CLIC5: variants seen among roughly 807,000 people sequenced by gnomAD.
CLIC5 encodes the protein chloride intracellular channel protein 5.
In CLIC5, 20 loss-of-function variants were observed where a neutral mutation model predicts 24.7. The ratio of observed to expected loss-of-function variants is 0.81; its 90% CI spans 0.57 to 1.18. The LOEUF is 1.18. CLIC5 is among the 50% of genes most tolerant of loss of function. The pLI, the probability that CLIC5 is intolerant of heterozygous loss-of-function variation, is 0.00. For synonymous variants in CLIC5, 159 were observed against 135.6 expected (o/e 1.17, Z -1.20); for missense variants, 341 against 326.1 (o/e 1.05, Z -0.35).
chr6:46,124,463 C>T, the CLIC5 span, among the ~76,000 whole-genome samples: 1 of 152,296 alleles, frequency 6.6e-6, no homozygotes, highest in Non-Finnish European at 1.5e-5. Context: ...GTCCTAAAAC[C>T]ATTGAAACCC....
chr6:45,917,752 T>C (rs1581732475), intron 4 of CLIC5, among the ~76,000 whole-genome samples: 2 of 152,204 alleles, frequency 1.3e-5, no homozygotes, highest in South Asian at 4.1e-4. Context: ...CAATCTGCCA[T>C]CCATAGAATT....
chr6:46,020,176 G>GGGTC (rs1767136175), upstream of CLIC5, among the ~76,000 whole-genome samples: 3 of 152,180 alleles, frequency 2.0e-5, no homozygotes, highest in Admixed American at 6.5e-5. Flanking sequence ...ATCACATTCT[G>GGGTC]GGTCACAGAA....
At chr6:46,042,811 C>T (rs1035499779) in intron 1 of CLIC5, among the ~76,000 whole-genome samples, 7 of 152,116 alleles carry the variant, frequency 4.6e-5, no homozygotes, top group African/African-American at 1.7e-4. Context: ...GGCACTTAGT[C>T]AAGGTCACCC....
chr6:46,078,433 G>A (rs1466213872), intron 1 of CLIC5, among the ~76,000 whole-genome samples: 2 of 152,074 alleles, frequency 1.3e-5, no homozygotes, highest in Non-Finnish European at 1.5e-5. Context: ...AGAAAACTGC[G>A]TGAATGCACC....
intron 1 of CLIC5, among the ~76,000 whole-genome samples, chr6:46,037,645 T>C (rs2127458975): frequency 6.6e-6 from 1 of 152,356 alleles, no homozygotes; most frequent in African/African-American, 2.4e-5. Flanking sequence ...CTATTTTGAA[T>C]CAGGTGTCAT....
chr6:45,941,549 G>A lies in CLIC5; in HGVS notation c.404C>T (p.Ala135Val). The stretch of plus-strand genomic sequence containing the variant: ...CTTGGTGGAAGGGAGTCACTCACCA[G>A]CATTGTTCTGCTGCTTGGTATTTTT... ...YIKNTKQQNNAALERGLTKAL... is the reference protein window; with the variant it reads ...YIKNTKQQNNVALERGLTKAL... The change falls in exon 4 of 6, where the codon GCT becomes GTT. Residue 135 changes from alanine to valine, a missense_variant and splice_region_variant. Ala to Val is a moderately conservative substitution (Grantham distance 64). Transcript: ENST00000339561. 6.2e-7 allele frequency: 1 copy of A among 1,609,718 alleles called. No individual in the cohort carries two copies. The highest frequency in any genetic ancestry group is 1.1e-5 in the South Asian group (1 of 90,964).
intron 6 of CLIC5, among the ~76,000 whole-genome samples, chr6:45,886,005 A>T (rs1164395420): frequency 2.0e-5 from 3 of 152,210 alleles, no homozygotes; most frequent in Non-Finnish European, 2.9e-5. Flanking sequence ...CTGAAAATGG[A>T]TACTAAAGGG....
intron 1 of CLIC5, among the ~76,000 whole-genome samples, chr6:45,955,958 G>C (rs4711834): frequency 0.87 from 131,864 of 152,138 alleles, 57,618 homozygotes; most frequent in Non-Finnish European, 0.9. Context: ...GAGAAAATTA[G>C]CCAGGGGATT....
chr6:45,917,447 G>A (rs1763075097), intron 4 of CLIC5, among the ~76,000 whole-genome samples: 1 of 152,162 alleles, frequency 6.6e-6, no homozygotes, highest in South Asian at 2.1e-4. Flanking sequence ...AGTGGAGAAT[G>A]GGTGATTTTA....
intron 4 of CLIC5, among the ~76,000 whole-genome samples, chr6:45,917,026 C>G (rs1012303700): frequency 2.0e-5 from 3 of 152,184 alleles, no homozygotes; most frequent in Non-Finnish European, 4.4e-5. Context: ...CACTGGGAAG[C>G]TGCTGAGCCT....
At chr6:46,077,608 G>A (rs1762807003) in intron 1 of CLIC5, among the ~76,000 whole-genome samples, 1 of 152,032 alleles carries the variant, frequency 6.6e-6, no homozygotes, top group Admixed American at 6.5e-5. Flanking sequence ...TGAAGATAGG[G>A]CCGAGTGTGG....
intron 5 of CLIC5, among the ~76,000 whole-genome samples, chr6:45,910,441 G>A (rs1267384046): frequency 6.6e-6 from 1 of 152,162 alleles, no homozygotes; most frequent in Non-Finnish European, 1.5e-5. Flanking sequence ...GTTCTCTAGT[G>A]TCAAGTGTAA....
chr6:46,116,520 G>A, the CLIC5 span, among the ~76,000 whole-genome samples: 2 of 152,168 alleles, frequency 1.3e-5, no homozygotes, highest in South Asian at 4.1e-4. Flanking sequence ...TGGGGTTACT[G>A]TCGAATGAAT....
intron 1 of CLIC5, among the ~76,000 whole-genome samples, chr6:45,977,262 A>G (rs1765415401): frequency 6.6e-6 from 1 of 152,228 alleles, no homozygotes; most frequent in South Asian, 2.1e-4. Flanking sequence ...ATAGTGAAAC[A>G]TAAACCTCTT....
At chr6:45,917,853 G>C (rs371521037) in intron 4 of CLIC5, among the ~76,000 whole-genome samples, 3 of 152,290 alleles carry the variant, frequency 2.0e-5, no homozygotes, top group Admixed American at 6.5e-5. Flanking sequence ...AAAGAAACTA[G>C]AGCAACAAAA....
At chr6:46,105,122 T>C in the CLIC5 span, among the ~76,000 whole-genome samples, 2 of 152,194 alleles carry the variant, frequency 1.3e-5, no homozygotes, top group African/African-American at 2.4e-5. Flanking sequence ...GCTGAGACCT[T>C]AAGAGAATGC....
At chr6:46,123,593 C>A in the CLIC5 span, among the ~76,000 whole-genome samples, 2 of 152,142 alleles carry the variant, frequency 1.3e-5, no homozygotes, top group Non-Finnish European at 2.9e-5. Context: ...GGCAATCAGG[C>A]AGGAGAAAGA....
upstream of CLIC5, among the ~76,000 whole-genome samples, chr6:46,017,046 T>C (rs1767036648): frequency 6.6e-6 from 1 of 152,238 alleles, no homozygotes; most frequent in Admixed American, 6.5e-5. Flanking sequence ...TTCTCTTGGA[T>C]GTATACTTAG....
chr6:46,073,732 A>G (rs1230243438), intron 1 of CLIC5, among the ~76,000 whole-genome samples: 3 of 152,216 alleles, frequency 2.0e-5, no homozygotes, highest in Non-Finnish European at 4.4e-5. Context: ...CTCTTCACCT[A>G]TGTGGGCCTT....
Sources: allele counts gnomAD v4.1 joint callset (sites outside exome capture counted in the v4.1 genomes callset), GRCh38; gene constraint gnomAD v4.1.1; transcripts MANE v1.5; gene names NCBI Gene and HGNC (gene_info 2026-07-23, HGNC 2026-07-21).